Variants in GRID2 observed in about 807,000 individuals in gnomAD.
GRID2 encodes glutamate receptor ionotropic, delta-2.
In GRID2, 33 loss-of-function variants were observed where a neutral mutation model predicts 114.8. The ratio of observed to expected loss-of-function variants is 0.29; its 90% CI spans 0.22 to 0.38. The LOEUF (loss-of-function observed/expected upper bound fraction) is 0.38. Ranked by LOEUF, GRID2 falls within the 10% of genes least tolerant of loss-of-function variation. The pLI, the probability that GRID2 is intolerant of heterozygous loss-of-function variation, is 1.00. For missense variants in GRID2, 1,184 were observed against 1,257.7 expected, an observed-to-expected ratio of 0.94 and a Z score of 0.89; for synonymous variants, 505 against 449.9, an observed-to-expected ratio of 1.12 and a Z score of -1.55.
chr4:92,428,861 C>A (rs1215570576), intron 1 of GRID2, among the ~76,000 whole-genome samples: 1 of 151,852 alleles, frequency 6.6e-6, no homozygotes, highest in Non-Finnish European at 1.5e-5. Flanking sequence ...ATACATGTTC[C>A]ACAAACATTT....
At chr4:93,018,663 A>T (rs778501955) in intron 2 of GRID2, among the ~76,000 whole-genome samples, 11 of 152,140 alleles carry the variant, frequency 7.2e-5, no homozygotes, top group Admixed American at 6.6e-5. Context: ...AATTGAGTAT[A>T]TCAATAATCA....
At chr4:93,478,819 A>G (rs1725578482) in intron 11 of GRID2, among the ~76,000 whole-genome samples, 1 of 152,092 alleles carries the variant, frequency 6.6e-6, no homozygotes, top group Non-Finnish European at 1.5e-5. Flanking sequence ...TGCCTATGAC[A>G]TGTAAATATT....
intron 4 of GRID2, among the ~76,000 whole-genome samples, chr4:93,135,785 A>G (rs1460274074): frequency 6.6e-6 from 1 of 152,202 alleles, no homozygotes; most frequent in Non-Finnish European, 1.5e-5. Context: ...AAGAAGAGTT[A>G]CCTTATCAAT....
At chr4:93,789,848 A>G (rs896882428) in intron 1 of GRID2, among the ~76,000 whole-genome samples, 1 of 152,188 alleles carries the variant, frequency 6.6e-6, no homozygotes, top group African/African-American at 2.4e-5. Flanking sequence ...ATGGGCCAGT[A>G]CCAATCCATG....
At chr4:92,491,827 C>T (rs978435317) in intron 1 of GRID2, among the ~76,000 whole-genome samples, 3 of 152,104 alleles carry the variant, frequency 2.0e-5, no homozygotes, top group African/African-American at 7.2e-5. Context: ...ATTACCATTT[C>T]TAAACATTTC....
intron 1 of GRID2, among the ~76,000 whole-genome samples, chr4:92,399,169 A>G (rs1289740912): frequency 1.3e-5 from 2 of 152,144 alleles, no homozygotes; most frequent in East Asian, 3.9e-4. Context: ...AACTCTGTGA[A>G]TGAGCTCAGG....
chr4:92,809,186 T>C (rs1740552932), intron 2 of GRID2, among the ~76,000 whole-genome samples: 2 of 151,954 alleles, frequency 1.3e-5, no homozygotes, highest in African/African-American at 4.8e-5. Context: ...AGATAGCATG[T>C]AGTAGTATTT....
chr4:93,076,285 A>G (rs1223883170), intron 2 of GRID2, among the ~76,000 whole-genome samples: 3 of 152,108 alleles, frequency 2.0e-5, no homozygotes, highest in African/African-American at 4.8e-5. Flanking sequence ...ATACAATAGC[A>G]AGGAATAGGA....
intron 5 of GRID2, among the ~76,000 whole-genome samples, chr4:93,212,119 T>TA (rs991899775): frequency 7.2e-5 from 11 of 151,844 alleles, no homozygotes; most frequent in Admixed American, 3.9e-4. Flanking sequence ...AATGTAATAA[T>TA]AAAAAAAACC....
At chr4:92,890,500 C>T (rs543603988) in intron 2 of GRID2, among the ~76,000 whole-genome samples, 1 of 151,866 alleles carries the variant, frequency 6.6e-6, no homozygotes, top group South Asian at 2.1e-4. Context: ...GGCCAAAAAA[C>T]ATATGAAAAA....
intron 4 of GRID2, among the ~76,000 whole-genome samples, chr4:93,175,887 G>A (rs1708999340): frequency 1.3e-5 from 2 of 152,258 alleles, no homozygotes; most frequent in South Asian, 4.1e-4. Flanking sequence ...AAAGCACCAT[G>A]TGAGGATAAA....
At chr4:92,736,815 A>G (rs1303148185) in intron 2 of GRID2, among the ~76,000 whole-genome samples, 1 of 152,086 alleles carries the variant, frequency 6.6e-6, no homozygotes, top group African/African-American at 2.4e-5. Flanking sequence ...TAAAGTGACA[A>G]GTGTTGAATT....
At chr4:93,279,439 C>A (rs1271712728) in intron 8 of GRID2, among the ~76,000 whole-genome samples, 1 of 151,704 alleles carries the variant, frequency 6.6e-6, no homozygotes, top group Non-Finnish European at 1.5e-5. Flanking sequence ...AAAAGTAGGT[C>A]ATCCTAAGCA....
intron 13 of GRID2, among the ~76,000 whole-genome samples, chr4:93,598,109 G>A (rs1050802168): frequency 2.6e-5 from 4 of 152,168 alleles, no homozygotes; most frequent in Non-Finnish European, 4.4e-5. Context: ...AACTATCCAA[G>A]TTAGGGATGT....
At chr4:92,319,407 T>G (rs1404902415) in intron 1 of GRID2, among the ~76,000 whole-genome samples, 1 of 152,180 alleles carries the variant, frequency 6.6e-6, no homozygotes, top group Non-Finnish European at 1.5e-5. Flanking sequence ...GAATAGTTCA[T>G]TTTAATCTGT....
At chr4:92,365,616 A>G (rs147366097) in intron 1 of GRID2, among the ~76,000 whole-genome samples, 123 of 152,164 alleles carry the variant, frequency 8.1e-4, no homozygotes, top group African/African-American at 2.8e-3. Context: ...ATTGTATTAT[A>G]TATTTCAAAG....
intron 2 of GRID2, among the ~76,000 whole-genome samples, chr4:92,632,459 C>A (rs1730854292): frequency 6.6e-6 from 1 of 151,958 alleles, no homozygotes; most frequent in African/African-American, 2.4e-5. Context: ...CAATGCAAAA[C>A]CCTGTCTCTA....
chr4:92,722,267 A>G (rs964587248), intron 2 of GRID2, among the ~76,000 whole-genome samples: 2 of 152,210 alleles, frequency 1.3e-5, no homozygotes, highest in East Asian at 3.8e-4. Context: ...AGTGCATGCT[A>G]CAAACACTTT....
At chr4:92,621,276 T>C (rs1730261578) in intron 2 of GRID2, among the ~76,000 whole-genome samples, 1 of 151,774 alleles carries the variant, frequency 6.6e-6, no homozygotes, top group African/African-American at 2.4e-5. Context: ...GAAGTGATGG[T>C]TTAAGATTTT....
Sources: gnomAD v4.1 joint callset for allele counts (sites outside exome capture counted in the v4.1 genomes callset) on GRCh38, gnomAD v4.1.1 for gene constraint, MANE v1.5 for transcripts, NCBI Gene and HGNC (gene_info 2026-07-23, HGNC 2026-07-21) for gene names.